Variants in CACNA2D1 observed in about 807,000 individuals in gnomAD.
The protein encoded by CACNA2D1 is calcium voltage-gated channel auxiliary subunit alpha2delta 1.
A neutral mutation model predicts 171.5 loss-of-function variants in CACNA2D1; 53 were observed. The observed-to-expected ratio is 0.31, with a 90% CI of 0.25 to 0.39. CACNA2D1 has a LOEUF of 0.39. CACNA2D1 is among the 10% of genes least tolerant of loss of function. CACNA2D1 has a pLI of 1.00. For synonymous variants in CACNA2D1, 442 were observed against 443.1 expected (o/e 1.00, Z 0.03); for missense variants, 903 against 1,299.8 (o/e 0.69, Z 4.69).
intron 10 of CACNA2D1, among the ~76,000 whole-genome samples, chr7:82,058,950 C>G (rs752021474): frequency 6.6e-6 from 1 of 152,112 alleles, no homozygotes; most frequent in Non-Finnish European, 1.5e-5. Context: ...CCGCGATACA[C>G]CACTAAAAAC....
At chr7:82,291,214 CTATAT>C (rs1447407303) in intron 3 of CACNA2D1, among the ~76,000 whole-genome samples, 1 of 108,792 alleles carries the variant, frequency 9.2e-6, no homozygotes, top group African/African-American at 3.1e-5. Flanking sequence ...CTATAAAATT[CTATAT>C]TATATATTTA....
intron 31 of CACNA2D1, among the ~76,000 whole-genome samples, chr7:81,966,478 A>C (rs1031982855): frequency 6.6e-6 from 1 of 151,494 alleles, no homozygotes; most frequent in Non-Finnish European, 1.5e-5. Flanking sequence ...CAGGAGTAGG[A>C]GTGATAAAGA....
intron 1 of CACNA2D1, among the ~76,000 whole-genome samples, chr7:82,389,008 C>T (rs1381350990): frequency 6.6e-6 from 1 of 151,704 alleles, no homozygotes; most frequent in South Asian, 2.1e-4. Flanking sequence ...CCCAGCTACT[C>T]GGGAGACTGA....
chr7:82,025,091 A>G, intron 12 of CACNA2D1, among the ~76,000 whole-genome samples: 1 of 151,532 alleles, frequency 6.6e-6, no homozygotes, highest in Non-Finnish European at 1.5e-5. Flanking sequence ...CTCCAGCTTT[A>G]GTCTTGTTTT....
intron 1 of CACNA2D1, among the ~76,000 whole-genome samples, chr7:82,371,682 C>A (rs1339497738): frequency 6.6e-6 from 1 of 152,066 alleles, no homozygotes; most frequent in East Asian, 1.9e-4. Flanking sequence ...TCAAGCGATT[C>A]CCCTGCCTTA....
chr7:82,117,033 C>CTT lies in CACNA2D1; in HGVS notation c.526+9_526+10dup. The CTT allele has an allele frequency of 1.9e-6, 3 of 1,613,502 alleles. No individual in the cohort carries two copies. Among genetic ancestry groups the CTT allele is most frequent in the Non-Finnish European group, 2.5e-6 (3 of 1,179,622 alleles). On this transcript the variant is annotated intron_variant, in intron 6 of 38. Coordinates refer to ENST00000356860, the MANE Select transcript of CACNA2D1 (RefSeq NM_000722.4). ...TGGTATTCCAACAGATGTTAACATT[C>CTT]TTTTACTTACAGCCCTCATAGATGT...
At chr7:81,967,317 A>C (rs1422971803) in intron 30 of CACNA2D1, 110 bp from the exon 31 acceptor site, 12 of 926,176 alleles carry the variant, frequency 1.3e-5, no homozygotes, top group South Asian at 8.5e-5. Flanking sequence ...GTAGAAAAAT[A>C]AGATTAAACA....
chr7:82,122,169 A>T (rs1209600447), intron 5 of CACNA2D1, among the ~76,000 whole-genome samples: 9 of 152,188 alleles, frequency 5.9e-5, no homozygotes, highest in Non-Finnish European at 1.5e-5. Context: ...AAGTTAAAAA[A>T]CACTGTAGGG....
chr7:82,163,375 T>C (rs1219783304), intron 4 of CACNA2D1, among the ~76,000 whole-genome samples: 2 of 151,976 alleles, frequency 1.3e-5, no homozygotes, highest in African/African-American at 4.8e-5. Flanking sequence ...GATAACAATA[T>C]ATGTTTGGAG....
intron 6 of CACNA2D1, among the ~76,000 whole-genome samples, chr7:82,099,849 C>A (rs952546011): frequency 6.6e-6 from 1 of 152,054 alleles, no homozygotes; most frequent in Non-Finnish European, 1.5e-5. Flanking sequence ...GTACTTAATA[C>A]ATGTACAATT....
At chr7:81,951,148 A>C (rs1486451745) in intron 38 of CACNA2D1, among the ~76,000 whole-genome samples, 1 of 152,048 alleles carries the variant, frequency 6.6e-6, no homozygotes, top group African/African-American at 2.4e-5. Flanking sequence ...CTAGGAAGAG[A>C]TTTGTCTTGA....
intron 1 of CACNA2D1, among the ~76,000 whole-genome samples, chr7:82,437,243 AAGAG>A (rs1254300686): frequency 1.3e-5 from 2 of 152,160 alleles, no homozygotes; most frequent in African/African-American, 2.4e-5. Flanking sequence ...ATGTGTATGA[AAGAG>A]AGAGAAACCA....
intron 6 of CACNA2D1, among the ~76,000 whole-genome samples, chr7:82,116,442 C>T (rs1479799712): frequency 3.3e-5 from 5 of 152,170 alleles, no homozygotes; most frequent in Non-Finnish European, 7.4e-5. Flanking sequence ...CTTCTCCAAC[C>T]AATATTTCCA....
intron 1 of CACNA2D1, among the ~76,000 whole-genome samples, chr7:82,355,116 G>A (rs2129446544): frequency 6.6e-6 from 1 of 152,238 alleles, no homozygotes; most frequent in Non-Finnish European, 1.5e-5. Flanking sequence ...GGAGGGCTGA[G>A]TATACACATC....
chr7:82,345,681 A>AGTGTGTGTGTGTGTGTGT (rs3054696), intron 2 of CACNA2D1, among the ~76,000 whole-genome samples: 2 of 146,442 alleles, frequency 1.4e-5, no homozygotes, highest in African/African-American at 5.0e-5. Flanking sequence ...TAGCTAAAGG[A>AGTGTGTGTGTGTGTGTGT]GTGTGTGTGT....
At chr7:82,179,339 A>C (rs952133338) in intron 3 of CACNA2D1, among the ~76,000 whole-genome samples, 2 of 152,132 alleles carry the variant, frequency 1.3e-5, no homozygotes. Context: ...GAGAGGAAAA[A>C]AACAAACAGA....
intron 3 of CACNA2D1, among the ~76,000 whole-genome samples, chr7:82,270,231 G>T (rs181415608): frequency 6.6e-6 from 1 of 152,148 alleles, no homozygotes; most frequent in African/African-American, 2.4e-5. Context: ...ATGCTCTTGA[G>T]TCATTGGCTA....
chr7:82,387,372 A>G (rs908971018), intron 1 of CACNA2D1, among the ~76,000 whole-genome samples: 73 of 152,292 alleles, frequency 4.8e-4, no homozygotes, highest in African/African-American at 1.6e-3. Context: ...TTTCTTGAAT[A>G]CTGTTCTTTA....
chr7:82,005,427 G>T lies in CACNA2D1; in HGVS notation c.1586C>A (p.Pro529Gln). The T allele has an allele frequency of 6.4e-7, 1 of 1,565,604 alleles. No homozygotes were observed. Among genetic ancestry groups the T allele is most frequent in the South Asian group, 1.1e-5 (1 of 87,958 alleles). The stretch of plus-strand genomic sequence containing the variant: ...GTAAACAAATTATATACTGACCTTT[G>T]GCTGAAGATTTGGATGTAATAAAAC... ...GYVLLHPNLQ[P>Q]KNPKSQEPVT... Residue 529 changes from proline to glutamine, a missense_variant, in exon 18 of 39, where the codon CCA (proline) becomes CAA (glutamine). This residue lies in a region of CACNA2D1 where 623 missense variants were observed against 925.5 expected (regional missense o/e 0.67). Coordinates refer to ENST00000356860, the MANE Select transcript of CACNA2D1 (RefSeq NM_000722.4).
Sources: allele counts gnomAD v4.1 joint callset (sites outside exome capture counted in the v4.1 genomes callset), GRCh38; gene constraint gnomAD v4.1.1; regional missense constraint gnomAD v4.1.1; transcripts MANE v1.5; gene names NCBI Gene and HGNC (gene_info 2026-07-23, HGNC 2026-07-21).